Variants in SEZ6L2 observed in about 807,000 individuals in gnomAD.
The protein encoded by SEZ6L2 is seizure 6-like protein 2.
SEZ6L2 carries 44 observed loss-of-function variants against 97.0 expected under a neutral mutation model. The observed-to-expected ratio is 0.45, with a 90% confidence interval of 0.36 to 0.58. The LOEUF (loss-of-function observed/expected upper bound fraction) is 0.58. SEZ6L2 is among the 20% of genes least tolerant of loss of function. The probability of loss-of-function intolerance (pLI) is 0.00; values close to 1 mark genes in which losing one functional copy is unlikely to be tolerated. For missense variants in SEZ6L2, 1,086 were observed against 1,233.3 expected (o/e 0.88, Z 1.79); for synonymous variants, 543 against 546.1 (o/e 0.99, Z 0.08).
chr16:29,897,803 A>G (rs201858562), intron 2 of SEZ6L2, 50 bp downstream of exon 2: 12 of 1,553,244 alleles, frequency 7.7e-6, no homozygotes, highest in Non-Finnish European at 9.5e-6. Context: ...CCCTGAGCCC[A>G]TATCCCTCCC....
chr16:29,897,496 T>C (rs2068430549), intron 2 of SEZ6L2, among the ~76,000 whole-genome samples: 1 of 152,108 alleles, frequency 6.6e-6, no homozygotes, highest in African/African-American at 2.4e-5. Context: ...AGTATTCTGA[T>C]TGCACTCTGA....
rs1337429303 is a variant in SEZ6L2, at chr16:29,873,510, A to G, written c.2296+28T>C. 2 of 1,613,800 alleles carry G rather than the reference A, an allele frequency of 1.2e-6. No homozygotes were observed. The highest frequency in any genetic ancestry group is 4.5e-5 in the East Asian group (2 of 44,850). ...CGGGCTCTCCCAGGGCTACCCAGCC[A>G]CCCTCCCAGGGTGTGCCCCAGACTC... On this transcript the variant is annotated intron_variant, in intron 13 of 17. Coordinates refer to ENST00000617533, the MANE Select transcript of SEZ6L2 (RefSeq NM_001243332.2). The surrounding 1 kb of genome is among the most constrained non-coding windows in gnomAD (Gnocchi z 4.3).
At chr16:29,877,736 A>G (rs1027771516) in intron 10 of SEZ6L2, among the ~76,000 whole-genome samples, 3 of 151,308 alleles carry the variant, frequency 2.0e-5, no homozygotes, top group Non-Finnish European at 4.4e-5. Flanking sequence ...CCCACTGTCC[A>G]CTCCCTCCTC....
At chr16:29,887,189 GAAA>G (rs796793207) in intron 7 of SEZ6L2, among the ~76,000 whole-genome samples, 14 of 82,002 alleles carry the variant, frequency 1.7e-4, no homozygotes, top group African/African-American at 4.9e-4. Context: ...CTCAAAAAAA[GAAA>G]AAAAAAAAAA....
chr16:29,878,749 TTTTTTTC>T (rs1294800444), intron 9 of SEZ6L2, among the ~76,000 whole-genome samples: 1 of 148,348 alleles, frequency 6.7e-6, no homozygotes, highest in East Asian at 2.0e-4. Flanking sequence ...ACACCCTATT[TTTTTTTC>T]TTTTTTCTTT....
At chr16:29,886,680 T>TA (rs60991015) in intron 7 of SEZ6L2, among the ~76,000 whole-genome samples, 2,170 of 138,704 alleles carry the variant, frequency 0.016, 29 homozygotes, top group African/African-American at 0.05. Flanking sequence ...GACTCCATCT[T>TA]AAAAAAAAAA....
chr16:29,892,217 G>C (rs1300997848), intron 5 of SEZ6L2, among the ~76,000 whole-genome samples: 2 of 152,232 alleles, frequency 1.3e-5, no homozygotes, highest in African/African-American at 2.4e-5. Context: ...AGAGGCCCCA[G>C]CTAGTGCAGG....
Position 29,871,746 on chromosome 16 carries a change from A to T in SEZ6L2, c.2743-18T>A. 6.2e-7 allele frequency: 1 copy of T among 1,605,634 alleles called. No individual in the cohort carries two copies. The highest frequency in any genetic ancestry group is 1.1e-5 in the South Asian group (1 of 89,374). ...CGCGTATCCTGAAGACAGAGAGATC[A>T]GGTCAGTTGTTGGAGTCTGATAGGG... On this transcript the variant is annotated intron_variant, in intron 17 of 17. Transcript: ENST00000617533.
chr16:29,882,577 C>CAAA (rs201664178), intron 8 of SEZ6L2, among the ~76,000 whole-genome samples: 1 of 91,528 alleles, frequency 1.1e-5, no homozygotes, highest in Admixed American at 1.2e-4. Context: ...AACTCCATCT[C>CAAA]AAAAAAAAAA....
At chr16:29,872,790 G>A (rs368542582) in intron 14 of SEZ6L2, 47 bp from the exon 15 acceptor site, 16 of 1,459,406 alleles carry the variant, frequency 1.1e-5, no homozygotes, top group African/African-American at 1.4e-5. Flanking sequence ...CCAGGGAGGG[G>A]AGGAGGCTGG....
rs1212979517 is a variant in SEZ6L2 at position 29,873,187 on chromosome 16, C to T, written c.2488+53G>A. 1 of 1,595,860 alleles carries T rather than the reference C, an allele frequency of 6.3e-7. No individual in the cohort carries two copies. The highest frequency in any genetic ancestry group is 8.6e-7 in the Non-Finnish European group (1 of 1,168,822). On this transcript the variant is annotated intron_variant, in intron 14 of 17. Transcript: ENST00000617533. The surrounding 1 kb of genome is among the most constrained non-coding windows in gnomAD (Gnocchi z 4.3). ...AAATGTGCTACCTGACTCTCCCAGC[C>T]CTGTCACTTCCCGGACACTGGTGTG...
At position 29,872,480 on chromosome 16, in the gene SEZ6L2, C is replaced by T; in HGVS notation, c.2574G>A (p.Leu858=). 6.2e-7 allele frequency: 1 copy of T among 1,614,236 alleles called. No homozygotes were observed. The highest frequency in any genetic ancestry group is 1.1e-5 in the South Asian group (1 of 91,086). ...CTAGAGGCAGCAGGATGGCCAGGGC[C>T]AGGTTCCCCCCTTCCAGCTGCCGTG... is the stretch of plus-strand genomic sequence containing the variant. The part of the protein sequence containing the change: ...DPSRQLEGGN[L]ALAILLPLGL... Residue 858 remains leucine (L), a synonymous_variant, in exon 16 of 18, where the codon CTG becomes CTA. Transcript: ENST00000617533.
Position 29,877,412 on chromosome 16 carries a change from C to A in SEZ6L2, c.1768G>T (p.Ala590Ser). The A allele has an allele frequency of 1.2e-6, 2 of 1,611,886 alleles. No individual in the cohort carries two copies. Among genetic ancestry groups the A allele is most frequent in the Non-Finnish European group, 8.5e-7 (1 of 1,179,060 alleles). Residue 590 changes from alanine to serine, a missense_variant, in exon 11 of 18, where the codon GCC becomes TCC. By Grantham distance (99) the Ala-to-Ser change is moderately conservative. Transcript: ENST00000617533. ...LTLFDGDGPS[A>S]RVLAQLRGPQ... ...CCCCGCAGCTGGGCCAAGACTCGGG[C>A]GCTGGGACCGTCCCCGTCGAACAGC...
In SEZ6L2 at chr16:29,871,824, A is replaced by G. The variant is rs565080537; in HGVS notation, c.2743-96T>C. On this transcript the variant is annotated intron_variant, in intron 17 of 17. Coordinates refer to ENST00000617533, the MANE Select transcript of SEZ6L2 (RefSeq NM_001243332.2). Reference sequence around the variant, plus strand: ...GGGCAACGATCCTGGGTTTTAAAGTAACATTGACCTCTAGGGGCTGGGGGG... The same window carrying G: ...GGGCAACGATCCTGGGTTTTAAAGTGACATTGACCTCTAGGGGCTGGGGGG... 33 of 1,101,454 alleles carry G rather than the reference A, an allele frequency of 3.0e-5. No individual in the cohort carries two copies. The East Asian group carries it at 8.2e-4, about 27-fold the overall frequency. The allele number at this position is 1,101,454 out of a possible 1,614,324, so 68.2% of individuals were successfully genotyped here. A position where few individuals can be genotyped will look rare whatever the true frequency, so the allele number is the denominator to read the frequency against.
In SEZ6L2 at chr16:29,895,338, C is replaced by G; in HGVS notation, c.774G>C (p.Arg258=). The G allele has an allele frequency of 1.2e-6, 2 of 1,614,184 alleles. No homozygotes were observed. The highest frequency in any genetic ancestry group is 1.7e-6 in the Non-Finnish European group (2 of 1,180,038). The part of the protein sequence containing the change: ...SSMLGEGQVL[R]SPTNRLLLHF... ...GCAGAAGCAGCCGGTTGGTTGGGCTCCGAAGGACTTGTCCTTCTCCAAGCA... is the reference window on the plus strand; with the variant it reads ...GCAGAAGCAGCCGGTTGGTTGGGCTGCGAAGGACTTGTCCTTCTCCAAGCA... The change falls in exon 5 of 18, where the codon CGG becomes CGC. Residue 258 remains arginine (R), a synonymous_variant. Coordinates refer to ENST00000617533, the MANE Select transcript of SEZ6L2 (RefSeq NM_001243332.2).
chr16:29,885,651 G>C lies in SEZ6L2; in HGVS notation c.1307C>G (p.Ser436Cys), dbSNP rs1333644348. 3 of 1,614,068 alleles carry C rather than the reference G, an allele frequency of 1.9e-6. No homozygotes were observed. Among genetic ancestry groups the C allele is most frequent in the Admixed American group, 1.7e-5 (1 of 59,992 alleles). Reference sequence around the variant, plus strand: ...CTCTGACAGCAGCTCCACGTAGAGGGACTGGGCGTCACTGATGAGACCCCG... The same window carrying C: ...CTCTGACAGCAGCTCCACGTAGAGGCACTGGGCGTCACTGATGAGACCCCG... ...PERGLISDAQ[S>C]LYVELLSETP... Residue 436 changes from serine to cysteine, a missense_variant, in exon 8 of 18, where the codon TCC becomes TGC. This residue lies in a region of SEZ6L2 where 776 missense variants were observed against 794.7 expected (regional missense o/e 0.98). Transcript: ENST00000617533.
At chr16:29,883,463 C>T (rs968605633) in intron 8 of SEZ6L2, among the ~76,000 whole-genome samples, 3 of 152,080 alleles carry the variant, frequency 2.0e-5, no homozygotes, top group Non-Finnish European at 4.4e-5. Flanking sequence ...AGGTGTGTGC[C>T]ACCACACCTG....
At chr16:29,872,650 C>T in intron 15 of SEZ6L2, 55 bp downstream of exon 15, 1 of 1,606,944 alleles carries the variant, frequency 6.2e-7, no homozygotes, top group Non-Finnish European at 8.5e-7. Context: ...GCCCCAGCCT[C>T]TGCCTTGCCC....
At position 29,876,979 on chromosome 16, in the gene SEZ6L2, G is replaced by A; in HGVS notation, c.1910-29C>T. 2 of 1,575,622 alleles carry A rather than the reference G, an allele frequency of 1.3e-6. No individual in the cohort carries two copies. Among genetic ancestry groups the A allele is most frequent in the South Asian group, 1.1e-5 (1 of 89,232 alleles). ...CAGGGGAGGGAAGGCGAGTTTGGAG[G>A]CTGCGTTTTAACTGCGGGCTCCCTT... On this transcript the variant is annotated intron_variant, in intron 11 of 17. Coordinates refer to ENST00000617533, the MANE Select transcript of SEZ6L2 (RefSeq NM_001243332.2). This position sits in a 1 kb window ranked among gnomAD's most constrained non-coding sequence, Gnocchi z 6.5.
Sources: allele counts gnomAD v4.1 joint callset (sites outside exome capture counted in the v4.1 genomes callset), GRCh38; gene constraint gnomAD v4.1.1; regional missense constraint gnomAD v4.1.1; non-coding constraint Gnocchi (gnomAD v3.1); transcripts MANE v1.5; gene names NCBI Gene and HGNC (gene_info 2026-07-23, HGNC 2026-07-21).